The following SLC30A8 variants were observed in gnomAD, a reference collection of about 807,000 sequenced individuals.
SLC30A8 encodes the protein solute carrier family 30 member 8.
In SLC30A8, 27 loss-of-function variants were observed where a neutral mutation model predicts 36.9. That is an observed-to-expected ratio of 0.73 (90% CI 0.54 to 1.01). The LOEUF (loss-of-function observed/expected upper bound fraction) is 1.01. SLC30A8 is among the 50% of genes least tolerant of loss of function. The probability of loss-of-function intolerance (pLI) is 0.00; values close to 1 mark genes in which losing one functional copy is unlikely to be tolerated. For missense variants in SLC30A8, 439 were observed against 452.0 expected (o/e 0.97, Z 0.26); for synonymous variants, 164 against 172.4 (o/e 0.95, Z 0.38).
rs1248527062 is a variant in SLC30A8, at chr8:117,176,353, C to T, written c.*3672C>T. On this transcript the variant is annotated 3_prime_UTR_variant, in exon 8 of 8. Transcript: ENST00000456015. ...GACAAGCCTCATTTTCCACAATTAG[C>T]TCTAAAGTGCCTCCAGGAAATGATT... is the stretch of plus-strand genomic sequence containing the variant. 6.6e-6 allele frequency: 1 copy of T among 152,476 alleles called. No homozygotes were observed. Among genetic ancestry groups the T allele is most frequent in the African/African-American group, 2.4e-5 (1 of 41,410 alleles). The allele number at this position is 152,476 out of a possible 1,614,324, so 9.4% of individuals were successfully genotyped here.
intron 2 of SLC30A8, among the ~76,000 whole-genome samples, chr8:117,115,070 G>A (rs1376666423): frequency 1.3e-5 from 2 of 151,756 alleles, no homozygotes; most frequent in Admixed American, 6.6e-5. Flanking sequence ...CCCCATGCCT[G>A]GCTAATTTTT....
In SLC30A8 at chr8:116,995,779, C is replaced by T. The variant is rs146931575; in HGVS notation, c.-265-43440C>T. 2.0e-5 allele frequency among the ~76,000 whole-genome samples: 3 copies of T among 152,210 alleles called. No homozygotes were observed. The East Asian group carries it at 5.8e-4, about 29-fold the overall frequency. On this transcript the variant is annotated intron_variant, in intron 1 of 10. Coordinates refer to the SLC30A8 transcript ENST00000427715. ...GGTGGGAGCAGGGGAAAAGCAAAAA[C>T]CAAAAGCAGATAAGCTGTAAGTCTG...
intron 1 of SLC30A8, among the ~76,000 whole-genome samples, chr8:116,954,244 A>C (rs1036535674): frequency 1.3e-5 from 2 of 152,156 alleles, no homozygotes; most frequent in East Asian, 1.9e-4. Flanking sequence ...ATGGGGAGAC[A>C]TGAGAGTTCA....
At chr8:117,087,473 T>C (rs1818925105) in intron 2 of SLC30A8, among the ~76,000 whole-genome samples, 1 of 152,210 alleles carries the variant, frequency 6.6e-6, no homozygotes, top group African/African-American at 2.4e-5. Context: ...TTTTCTGTTC[T>C]GTTCAAGCAA....
intron 2 of SLC30A8, among the ~76,000 whole-genome samples, chr8:117,082,347 C>T (rs1422626587): frequency 6.6e-6 from 1 of 151,938 alleles, no homozygotes; most frequent in Non-Finnish European, 1.5e-5. Context: ...CAAGAAAGAA[C>T]CAAATGATTA....
At chr8:116,963,140 A>T (rs1332119413) in intron 1 of SLC30A8, among the ~76,000 whole-genome samples, 3 of 152,158 alleles carry the variant, frequency 2.0e-5, no homozygotes, top group African/African-American at 4.8e-5. Flanking sequence ...GGAATTGTGG[A>T]AATTACTTAA....
chr8:116,980,920 AT>A (rs767504941), intron 1 of SLC30A8, among the ~76,000 whole-genome samples: 3 of 152,224 alleles, frequency 2.0e-5, no homozygotes, highest in Non-Finnish European at 4.4e-5. Flanking sequence ...TAACAAATTT[AT>A]TTAATGAATG....
intron 1 of SLC30A8, among the ~76,000 whole-genome samples, chr8:117,020,504 C>T (rs754187715): frequency 5.3e-5 from 8 of 152,026 alleles, no homozygotes; most frequent in African/African-American, 9.7e-5. Flanking sequence ...TAGTTCTTGA[C>T]CTAGCAGTCT....
intron 2 of SLC30A8, among the ~76,000 whole-genome samples, chr8:117,116,173 AAGTCT>A (rs1820435766): frequency 6.6e-6 from 1 of 151,996 alleles, no homozygotes; most frequent in Admixed American, 6.6e-5. Flanking sequence ...AAGGCCTAAG[AAGTCT>A]ACAAGGCCTT....
intron 1 of SLC30A8, among the ~76,000 whole-genome samples, chr8:117,145,435 G>A (rs1821853356): frequency 6.6e-6 from 1 of 151,592 alleles, no homozygotes; most frequent in Admixed American, 6.6e-5. Context: ...TATAATAATA[G>A]AGTCAGAATA....
At chr8:116,993,822 A>G (rs1815727415) in intron 1 of SLC30A8, among the ~76,000 whole-genome samples, 1 of 151,994 alleles carries the variant, frequency 6.6e-6, no homozygotes, top group Admixed American at 6.6e-5. Context: ...AGTAAGGAGA[A>G]TAACAGTAAT....
intron 2 of SLC30A8, among the ~76,000 whole-genome samples, chr8:117,103,153 A>G (rs1158193428): frequency 6.6e-6 from 1 of 152,032 alleles, no homozygotes; most frequent in Non-Finnish European, 1.5e-5. Flanking sequence ...ATTCCTCTCT[A>G]TTAGTGCACC....
In SLC30A8 at chr8:117,175,767, C is replaced by T. The variant is rs771318401; in HGVS notation, c.*3086C>T. The T allele has an allele frequency of 6.6e-6, 1 of 152,010 alleles. No homozygotes were observed. Among genetic ancestry groups the T allele is most frequent in the Non-Finnish European group, 1.5e-5 (1 of 67,972 alleles). The allele number at this position is 152,010 out of a possible 1,614,324, so 9.4% of individuals were successfully genotyped here. ...TTGAGAAATTTTGAGTTATCAACAC[C>T]GTTCCCACAAGACAGTGGCAAAATT... is the stretch of plus-strand genomic sequence containing the variant. On this transcript the variant is annotated 3_prime_UTR_variant, in exon 8 of 8. Coordinates refer to ENST00000456015, the MANE Select transcript of SLC30A8 (RefSeq NM_173851.3).
chr8:116,983,154 T>A (rs1253714390), intron 1 of SLC30A8, among the ~76,000 whole-genome samples: 3 of 152,186 alleles, frequency 2.0e-5, no homozygotes. Flanking sequence ...TGTACTTTTT[T>A]ATAAAACCAT....
At chr8:117,062,985 A>C (rs1475474969) in intron 2 of SLC30A8, among the ~76,000 whole-genome samples, 1 of 152,168 alleles carries the variant, frequency 6.6e-6, no homozygotes, top group Admixed American at 6.5e-5. Flanking sequence ...TGTATGTAAC[A>C]CCATGAGAGG....
intron 5 of SLC30A8, among the ~76,000 whole-genome samples, chr8:117,162,396 G>A (rs10505310): frequency 0.27 from 40,368 of 151,832 alleles, 6,068 homozygotes; most frequent in African/African-American, 0.4. Flanking sequence ...CTGATTTATT[G>A]TTCCACCAGT....
At chr8:116,955,736 T>TA (rs1217003228) in intron 1 of SLC30A8, among the ~76,000 whole-genome samples, 108 of 136,944 alleles carry the variant, frequency 7.9e-4, no homozygotes, top group Middle Eastern at 3.6e-3. Context: ...AAAAAAAAAA[T>TA]AAAAAAAAAG....
chr8:117,046,022 C>T (rs1216919630), intron 2 of SLC30A8, among the ~76,000 whole-genome samples: 1 of 151,584 alleles, frequency 6.6e-6, no homozygotes, highest in Non-Finnish European at 1.5e-5. Flanking sequence ...TGTCAACATC[C>T]TTGTGACAGA....
intron 2 of SLC30A8, among the ~76,000 whole-genome samples, chr8:117,147,875 C>T (rs1821971619): frequency 6.6e-6 from 1 of 152,050 alleles, no homozygotes; most frequent in African/African-American, 2.4e-5. Context: ...TACTATTAGA[C>T]TATTTTTGCA....
Sources: gnomAD v4.1 joint callset for allele counts (sites outside exome capture counted in the v4.1 genomes callset) on GRCh38, gnomAD v4.1.1 for gene constraint, MANE v1.5 for transcripts, NCBI Gene and HGNC (gene_info 2026-07-23, HGNC 2026-07-21) for gene names.